RXRA: variants seen among roughly 807,000 people sequenced by gnomAD.
The protein encoded by RXRA is retinoid X receptor alpha, also known as retinoic acid receptor RXR-alpha.
In RXRA, 5 loss-of-function variants were observed where a neutral mutation model predicts 44.5. The ratio of observed to expected loss-of-function variants is 0.11; its 90% confidence interval spans 0.06 to 0.24. The LOEUF (loss-of-function observed/expected upper bound fraction) is 0.24. Among genes scored for constraint, RXRA ranks in the 10% least tolerant of loss-of-function variants. RXRA has a pLI of 1.00. For missense variants in RXRA, 412 were observed against 646.5 expected (o/e 0.64, Z 3.93); for synonymous variants, 291 against 271.4 (o/e 1.07, Z -0.71).
At position 134,417,349 on chromosome 9, in the gene RXRA, G is replaced by C; in HGVS notation, c.780+22G>C. 6.2e-7 allele frequency: 1 copy of C among 1,608,214 alleles called. No homozygotes were observed. The highest frequency in any genetic ancestry group is 2.2e-5 in the East Asian group (1 of 44,728). The stretch of plus-strand genomic sequence containing the variant: ...CTCGGTGAGTTGCAGCCTGTGCAGG[G>C]GTGGGCAGCCTCACATGCCTCAGTT... On this transcript the variant is annotated intron_variant, in intron 5 of 9. Transcript: ENST00000481739. The surrounding 1 kb of genome is among the most constrained non-coding windows in gnomAD (Gnocchi z 6.1).
At chr9:134,356,631 C>T (rs1349525079) in intron 1 of RXRA, among the ~76,000 whole-genome samples, 1 of 152,232 alleles carries the variant, frequency 6.6e-6, no homozygotes, top group Non-Finnish European at 1.5e-5. Context: ...GTGCACTGAG[C>T]ACCTACTGTA....
Position 134,433,385 on chromosome 9 carries a change from C to T in RXRA, c.1136-717C>T, listed in dbSNP as rs944172618. ...TCCAGGCACAGGCTTGCAGGGAAAG[C>T]GAAGAGACCAGGGCACAGGCATGCA... On this transcript the variant is annotated intron_variant, in intron 8 of 9. Transcript: ENST00000481739. The surrounding 1 kb of genome is among the most constrained non-coding windows in gnomAD (Gnocchi z 4.2). Among the ~76,000 whole-genome samples the T allele has an allele frequency of 2.6e-5, 4 of 152,172 alleles. No homozygotes were observed. The highest frequency in any genetic ancestry group is 6.5e-5 in the Admixed American group (1 of 15,288).
At chr9:134,329,671 C>G (rs1304426431) in intron 1 of RXRA, among the ~76,000 whole-genome samples, 1 of 152,184 alleles carries the variant, frequency 6.6e-6, no homozygotes, top group Non-Finnish European at 1.5e-5. Context: ...TGACTGGCTC[C>G]CGGCTCTGCC....
rs565459034 is a variant in RXRA at position 134,436,150 on chromosome 9, G to C, written c.1242-317G>C. Among the ~76,000 whole-genome samples, 4 of 152,362 alleles carry C rather than the reference G, an allele frequency of 2.6e-5. No individual in the cohort carries two copies. In the East Asian group the frequency reaches 5.8e-4, roughly 22 times the overall value. ...TGTGAGCCATCATGCCCAACTGCCT[G>C]CAATTTTTAACTTCTTCACAAAGAG... On this transcript the variant is annotated intron_variant, in intron 9 of 9. Coordinates refer to ENST00000481739, the MANE Select transcript of RXRA (RefSeq NM_002957.6).
intron 1 of RXRA, chr9:134,380,282 T>G: frequency 2.5e-6 from 2 of 800,952 alleles, no homozygotes; most frequent in Non-Finnish European, 3.0e-6. Flanking sequence ...GCTGGCGTGC[T>G]GAGGCTGGCC....
At chr9:134,359,180 A>G (rs975198004) in intron 1 of RXRA, among the ~76,000 whole-genome samples, 1 of 152,104 alleles carries the variant, frequency 6.6e-6, no homozygotes, top group Non-Finnish European at 1.5e-5. Context: ...ATCTGAGGGC[A>G]CGGAGAGTGA....
intron 6 of RXRA, chr9:134,427,170 CAAAA>C (rs530330321): frequency 9.8e-6 from 8 of 816,318 alleles, no homozygotes; most frequent in Non-Finnish European, 1.2e-5. Flanking sequence ...TGGGCAAAAA[CAAAA>C]AAAAAAAAAA....
In RXRA at chr9:134,373,959, G is replaced by A. The variant is rs138880024; in HGVS notation, c.29-27673G>A. ...CGGGTAGTGGGGACTTCAGGAGTGC[G>A]CCACCTCACCTGGCCTCCCAGCCTG... On this transcript the variant is annotated intron_variant, in intron 1 of 9. Coordinates refer to ENST00000481739, the MANE Select transcript of RXRA (RefSeq NM_002957.6). The A allele has an allele frequency of 9.0e-3, 1,371 of 152,400 alleles. 10 individuals are homozygous for A. The highest frequency in any genetic ancestry group is 0.015 in the Non-Finnish European group (1,009 of 68,086). The allele number at this position is 152,400 out of a possible 1,614,324, so 9.4% of individuals were successfully genotyped here. A position where few individuals can be genotyped will look rare whatever the true frequency, so the allele number is the denominator to read the frequency against.
In RXRA at chr9:134,426,772, C is replaced by T. The variant is rs982162442; in HGVS notation, c.911-2336C>T. ...AGGATGTGAGGGAGAGAGGCAGGCC[C>T]GAGAGGCCAGGACTGGCCAGGGATG... On this transcript the variant is annotated intron_variant, in intron 6 of 9. Coordinates refer to ENST00000481739, the MANE Select transcript of RXRA (RefSeq NM_002957.6). This position sits in a 1 kb window ranked among gnomAD's most constrained non-coding sequence, Gnocchi z 4.6. The T allele has an allele frequency of 1.7e-5, 17 of 985,242 alleles. No individual in the cohort carries two copies. Among genetic ancestry groups the T allele is most frequent in the Middle Eastern group, 5.2e-4 (1 of 1,936 alleles). The allele number at this position is 985,242 out of a possible 1,614,324, so 61.0% of individuals were successfully genotyped here.
chr9:134,408,142 C>T lies in RXRA; in HGVS notation c.280-7C>T. On this transcript the variant is annotated splice_polypyrimidine_tract_variant and splice_region_variant and intron_variant, in intron 2 of 9. Transcript: ENST00000481739. ...ACCCCGCTGACTGCTGTGGTTGCCC[C>T]CCCCAGCTCAGCTCACCTATGAACC... The T allele has an allele frequency of 1.3e-6, 2 of 1,534,162 alleles. No homozygotes were observed. Among genetic ancestry groups the T allele is most frequent in the Non-Finnish European group, 8.7e-7 (1 of 1,143,510 alleles).
intron 8 of RXRA, among the ~76,000 whole-genome samples, chr9:134,432,255 G>A (rs567309569): frequency 3.9e-5 from 6 of 152,356 alleles, no homozygotes; most frequent in South Asian, 2.1e-4. Context: ...TGGTGGTGCC[G>A]TCTGGGCTCC....
chr9:134,424,410 G>C (rs1398431285), intron 6 of RXRA: 1 of 985,404 alleles, frequency 1.0e-6, no homozygotes, highest in Admixed American at 6.1e-5. Context: ...CCTCCCCCTG[G>C]GCGCCCACTG....
chr9:134,339,573 TTGTGAGCCTGTGTG>T (rs560271220), intron 1 of RXRA, among the ~76,000 whole-genome samples: 6 of 131,252 alleles, frequency 4.6e-5, no homozygotes, highest in Non-Finnish European at 9.8e-5. Context: ...CCATGGCCTT[TTGTGAGCCTGTGTG>T]TGTGAGCCTG....
intron 1 of RXRA, among the ~76,000 whole-genome samples, chr9:134,374,357 G>A (rs1416989788): frequency 1.3e-5 from 2 of 152,242 alleles, no homozygotes; most frequent in South Asian, 2.1e-4. Context: ...TGCCACTTCC[G>A]CAGTGTGGGC....
rs759209150 is a variant in RXRA, at chr9:134,436,493, C to T, written c.1268C>T (p.Pro423Leu). 2 of 1,614,158 alleles carry T rather than the reference C, an allele frequency of 1.2e-6. No individual in the cohort carries two copies. The highest frequency in any genetic ancestry group is 1.7e-6 in the Non-Finnish European group (2 of 1,180,030). Residue 423 changes from proline to leucine, a missense_variant, in exon 10 of 10, where the codon CCG (proline) becomes CTG (leucine). This residue lies in a region of RXRA where 141 missense variants were observed against 270.8 expected (regional missense o/e 0.52). Transcript: ENST00000481739. ...TTCGCTAAGCTCTTGCTCCGCCTGCCGGCTCTGCGCTCCATCGGGCTCAAA... is the reference window on the plus strand; with the variant it reads ...TTCGCTAAGCTCTTGCTCCGCCTGCTGGCTCTGCGCTCCATCGGGCTCAAA... Reference protein sequence around the residue: ...GRFAKLLLRLPALRSIGLKCL... With the variant: ...GRFAKLLLRLLALRSIGLKCL...
chr9:134,353,418 C>G (rs1396665929), intron 1 of RXRA, among the ~76,000 whole-genome samples: 3 of 152,136 alleles, frequency 2.0e-5, no homozygotes, highest in African/African-American at 7.2e-5. Flanking sequence ...GTGTGCACGG[C>G]CCCATGCATG....
chr9:134,408,142 C>A lies in RXRA; in HGVS notation c.280-7C>A, dbSNP rs1286964482. On this transcript the variant is annotated splice_polypyrimidine_tract_variant and splice_region_variant and intron_variant, in intron 2 of 9. Transcript: ENST00000481739. ...ACCCCGCTGACTGCTGTGGTTGCCC[C>A]CCCCAGCTCAGCTCACCTATGAACC... The A allele has an allele frequency of 1.6e-5, 25 of 1,534,162 alleles. No homozygotes were observed. Among genetic ancestry groups the A allele is most frequent in the South Asian group, 2.6e-5 (2 of 78,288 alleles).
At chr9:134,379,724 G>A (rs1830613295) in intron 1 of RXRA, 2 of 985,424 alleles carry the variant, frequency 2.0e-6, no homozygotes, top group Non-Finnish European at 2.4e-6. Context: ...AGCCTGGGCG[G>A]GTTCGTGGGT....
intron 1 of RXRA, among the ~76,000 whole-genome samples, chr9:134,337,074 C>T (rs572379514): frequency 1.3e-5 from 2 of 152,286 alleles, no homozygotes; most frequent in South Asian, 4.1e-4. Context: ...CAGCAGTGCT[C>T]AGCGTGTTGG....
Sources: allele counts gnomAD v4.1 joint callset (sites outside exome capture counted in the v4.1 genomes callset), GRCh38; gene constraint gnomAD v4.1.1; regional missense constraint gnomAD v4.1.1; non-coding constraint Gnocchi (gnomAD v3.1); transcripts MANE v1.5; gene names NCBI Gene and HGNC (gene_info 2026-07-23, HGNC 2026-07-21).